Variants in ST18 observed in about 807,000 individuals in gnomAD.
ST18 encodes the protein ST18 C2H2C-type zinc finger transcription factor, also known as suppression of tumorigenicity 18 protein.
In ST18, 50 loss-of-function variants were observed where a neutral mutation model predicts 110.0. The ratio of observed to expected loss-of-function variants is 0.45; its 90% confidence interval spans 0.36 to 0.58. The LOEUF is 0.58. ST18 is among the 20% of genes least tolerant of loss of function. The probability of loss-of-function intolerance (pLI) is 0.00; values close to 1 mark genes in which losing one functional copy is unlikely to be tolerated. For synonymous variants in ST18, 461 were observed against 452.4 expected (o/e 1.02, Z -0.24); for missense variants, 1,306 against 1,280.1 (o/e 1.02, Z -0.31).
intron 22 of ST18, among the ~76,000 whole-genome samples, chr8:52,130,457 CTACT>C (rs2049128878): frequency 1.3e-5 from 2 of 152,116 alleles, no homozygotes; most frequent in Non-Finnish European, 2.9e-5. Flanking sequence ...TCAATAAGCA[CTACT>C]TATTTACCCA....
intron 2 of ST18, among the ~76,000 whole-genome samples, chr8:52,391,083 C>T (rs574912075): frequency 4.0e-4 from 61 of 152,308 alleles, no homozygotes; most frequent in African/African-American, 1.3e-3. Context: ...GTGCACTCGG[C>T]AAAGTTTGTC....
chr8:52,285,616 G>A (rs992696983), intron 2 of ST18, among the ~76,000 whole-genome samples: 1 of 152,222 alleles, frequency 6.6e-6, no homozygotes, highest in African/African-American at 2.4e-5. Context: ...TTCAATCTGA[G>A]AGCCTGGGGA....
intron 2 of ST18, among the ~76,000 whole-genome samples, chr8:52,350,063 A>T (rs1819582350): frequency 6.6e-6 from 1 of 152,182 alleles, no homozygotes; most frequent in African/African-American, 2.4e-5. Flanking sequence ...CCCGGCCTGA[A>T]GTCTGAGGAG....
chr8:52,200,175 T>A (rs1457773546), intron 8 of ST18, among the ~76,000 whole-genome samples: 1 of 136,764 alleles, frequency 7.3e-6, no homozygotes, highest in African/African-American at 3.5e-5. Context: ...CCACAAAACT[T>A]ATATTCTTAT....
intron 8 of ST18, among the ~76,000 whole-genome samples, chr8:52,185,886 T>C (rs758817224): frequency 3.3e-5 from 5 of 152,170 alleles, no homozygotes; most frequent in Non-Finnish European, 7.3e-5. Context: ...CAAAATTTTC[T>C]CAAGCAGTTT....
intron 2 of ST18, among the ~76,000 whole-genome samples, chr8:52,319,386 G>A (rs1802888558): frequency 1.3e-5 from 2 of 151,744 alleles, no homozygotes; most frequent in Non-Finnish European, 1.5e-5. Context: ...TGTCTGTTGT[G>A]TTCTTTTATG....
chr8:52,329,960 G>A (rs1808420227), intron 2 of ST18, among the ~76,000 whole-genome samples: 3 of 152,108 alleles, frequency 2.0e-5, no homozygotes, highest in Admixed American at 2.0e-4. Context: ...GTTGTGCTAT[G>A]GAGTGCCACG....
At chr8:52,241,057 G>A (rs1393508197) in intron 2 of ST18, among the ~76,000 whole-genome samples, 1 of 152,164 alleles carries the variant, frequency 6.6e-6, no homozygotes. Context: ...CCATTCATCT[G>A]GTAATCCAAA....
At chr8:52,314,676 A>G (rs2095989823) in intron 2 of ST18, among the ~76,000 whole-genome samples, 1 of 152,052 alleles carries the variant, frequency 6.6e-6, no homozygotes, top group Admixed American at 6.5e-5. Flanking sequence ...AACCCAACCA[A>G]CCATGGCCTC....
At chr8:52,364,088 G>A (rs1826862418) in intron 2 of ST18, among the ~76,000 whole-genome samples, 1 of 152,196 alleles carries the variant, frequency 6.6e-6, no homozygotes, top group African/African-American at 2.4e-5. Flanking sequence ...TCAACCACAT[G>A]AAACCATTTT....
At chr8:52,378,718 C>A (rs1316310030) in intron 2 of ST18, among the ~76,000 whole-genome samples, 2 of 152,140 alleles carry the variant, frequency 1.3e-5, no homozygotes, top group Non-Finnish European at 2.9e-5. Flanking sequence ...CATAACTTAT[C>A]TAGTTAACTA....
intron 17 of ST18, among the ~76,000 whole-genome samples, chr8:52,139,387 G>A (rs756979623): frequency 1.7e-4 from 25 of 150,220 alleles, no homozygotes; most frequent in South Asian, 4.2e-4. Context: ...ACAGAGTCTC[G>A]CTTTGTCGCT....
chr8:52,299,471 T>C (rs1037894014), intron 2 of ST18, among the ~76,000 whole-genome samples: 10 of 152,358 alleles, frequency 6.6e-5, no homozygotes, highest in African/African-American at 2.4e-4. Context: ...TTTTCAAGTC[T>C]CTCTTTTTAT....
intron 2 of ST18, among the ~76,000 whole-genome samples, chr8:52,257,386 A>G (rs1429826865): frequency 3.3e-5 from 5 of 152,190 alleles, no homozygotes; most frequent in Non-Finnish European, 1.5e-5. Context: ...CCTGCACAAT[A>G]TACCTTTCCC....
In ST18 at chr8:52,233,642, A is replaced by T. The variant is rs555299515; in HGVS notation, c.-464-3565T>A. On this transcript the variant is annotated intron_variant, in intron 2 of 25. Transcript: ENST00000689386. The stretch of plus-strand genomic sequence containing the variant: ...GATTGATAGTTGTCTCCCACGACCA[A>T]TGAGAGGTCCGTACAGTTTATATCA... Among the ~76,000 whole-genome samples, 10 of 152,284 alleles carry T rather than the reference A, an allele frequency of 6.6e-5. No homozygotes were observed. The East Asian group carries it at 1.9e-3, about 29-fold the overall frequency.
At chr8:52,350,551 AC>A (rs1236955696) in intron 2 of ST18, among the ~76,000 whole-genome samples, 1 of 152,090 alleles carries the variant, frequency 6.6e-6, no homozygotes, top group African/African-American at 2.4e-5. Flanking sequence ...TGCAAACCAA[AC>A]AATCCTTTTC....
intron 2 of ST18, among the ~76,000 whole-genome samples, chr8:52,298,200 T>C (rs2095663207): frequency 6.6e-6 from 1 of 152,196 alleles, no homozygotes; most frequent in Non-Finnish European, 1.5e-5. Context: ...CATATTTCAC[T>C]GGCCAGAGTG....
At chr8:52,406,181 C>A (rs369357471) in intron 2 of ST18, 3 of 152,176 alleles carry the variant, frequency 2.0e-5, no homozygotes, top group African/African-American at 7.2e-5. Context: ...TTCTTTTAAA[C>A]GCAACACAGA....
intron 15 of ST18, chr8:52,154,858 G>A (rs2059639451): frequency 6.7e-6 from 1 of 150,334 alleles, no homozygotes; most frequent in Non-Finnish European, 1.5e-5. Context: ...TCCAGCCTAG[G>A]TGACAGAGCA....
Sources: gnomAD v4.1 joint callset for allele counts (sites outside exome capture counted in the v4.1 genomes callset) on GRCh38, gnomAD v4.1.1 for gene constraint, MANE v1.5 for transcripts, NCBI Gene and HGNC (gene_info 2026-07-23, HGNC 2026-07-21) for gene names.